The following ADAMTS16 variants were observed in gnomAD, a reference collection of about 807,000 sequenced individuals.
ADAMTS16 encodes A disintegrin and metalloproteinase with thrombospondin motifs 16.
In ADAMTS16, 94 loss-of-function variants were observed where a neutral mutation model predicts 145.8. The observed-to-expected ratio is 0.64, with a 90% confidence interval of 0.55 to 0.77. The LOEUF is 0.77. Among genes scored for constraint, ADAMTS16 ranks in the 30% least tolerant of loss-of-function variants. The pLI is 0.00. For synonymous variants in ADAMTS16, 659 were observed against 604.3 expected, an observed-to-expected ratio of 1.09 and a Z score of -1.33; for missense variants, 1,585 against 1,591.5, an observed-to-expected ratio of 1.00 and a Z score of 0.07.
At chr5:5,241,235 G>T (rs960854463) in intron 16 of ADAMTS16, among the ~76,000 whole-genome samples, 10 of 152,142 alleles carry the variant, frequency 6.6e-5, no homozygotes, top group Admixed American at 2.0e-4. Context: ...TATGTCAACA[G>T]GTTATGGTGA....
intron 18 of ADAMTS16, among the ~76,000 whole-genome samples, chr5:5,270,736 C>T (rs1738436736): frequency 6.6e-6 from 1 of 152,166 alleles, no homozygotes; most frequent in Non-Finnish European, 1.5e-5. Context: ...AAATATATTT[C>T]TATTATGTCC....
chr5:5,314,356 C>G (rs914388912), intron 21 of ADAMTS16, among the ~76,000 whole-genome samples: 8 of 152,178 alleles, frequency 5.3e-5, no homozygotes, highest in African/African-American at 1.7e-4. Flanking sequence ...GAGATGAGCT[C>G]TGCCCCGCAG....
chr5:5,226,504 A>T (rs1168054089), intron 11 of ADAMTS16, among the ~76,000 whole-genome samples: 1 of 152,134 alleles, frequency 6.6e-6, no homozygotes, highest in African/African-American at 2.4e-5. Flanking sequence ...TTTCAGATGA[A>T]ATTTGGGTAG....
intron 21 of ADAMTS16, among the ~76,000 whole-genome samples, chr5:5,312,607 C>A (rs1740504846): frequency 6.6e-6 from 1 of 152,078 alleles, no homozygotes; most frequent in African/African-American, 2.4e-5. Context: ...TCCACCACTC[C>A]CAGCTAATTT....
chr5:5,289,975 T>A (rs951307358), intron 18 of ADAMTS16, among the ~76,000 whole-genome samples: 2 of 152,218 alleles, frequency 1.3e-5, no homozygotes, highest in Non-Finnish European at 2.9e-5. Context: ...AGCCAAGAAT[T>A]TCCAAGCAGT....
At chr5:5,281,330 G>A (rs1738898020) in intron 18 of ADAMTS16, among the ~76,000 whole-genome samples, 1 of 152,140 alleles carries the variant, frequency 6.6e-6, no homozygotes, top group Non-Finnish European at 1.5e-5. Flanking sequence ...TAAAACTTTT[G>A]TATTAAAACA....
intron 3 of ADAMTS16, among the ~76,000 whole-genome samples, chr5:5,149,759 G>A (rs888857021): frequency 3.3e-5 from 5 of 152,152 alleles, no homozygotes; most frequent in Non-Finnish European, 4.4e-5. Context: ...AGGTAGTATA[G>A]GTTTGCCTAA....
chr5:5,224,568 T>C (rs60624289), intron 11 of ADAMTS16, among the ~76,000 whole-genome samples: 29,341 of 152,104 alleles, frequency 0.19, 3,302 homozygotes, highest in East Asian at 0.5. Context: ...GGATTACAGG[T>C]GTGAGCCACC....
intron 8 of ADAMTS16, among the ~76,000 whole-genome samples, chr5:5,194,646 A>G (rs1735751277): frequency 6.6e-6 from 1 of 152,216 alleles, no homozygotes; most frequent in Non-Finnish European, 1.5e-5. Context: ...AACTCCGTGT[A>G]TCTTAGTTGA....
At chr5:5,149,808 G>T (rs1734400776) in intron 3 of ADAMTS16, among the ~76,000 whole-genome samples, 1 of 152,156 alleles carries the variant, frequency 6.6e-6, no homozygotes, top group Admixed American at 6.5e-5. Context: ...ACACTATGTG[G>T]CCTTTGTGAC....
intron 7 of ADAMTS16, 84 bp downstream of exon 7, chr5:5,190,214 G>C (rs1735625618): frequency 7.0e-7 from 1 of 1,427,624 alleles, no homozygotes; most frequent in Non-Finnish European, 9.3e-7. Flanking sequence ...TTTTGCCCTT[G>C]TTCCTTGTTA....
intron 18 of ADAMTS16, among the ~76,000 whole-genome samples, chr5:5,276,628 G>A (rs988202416): frequency 3.3e-5 from 5 of 152,162 alleles, no homozygotes; most frequent in East Asian, 1.9e-4. Flanking sequence ...CAGGCGCTAC[G>A]CAGCAGACAC....
At chr5:5,166,477 T>C (rs1255284809) in intron 3 of ADAMTS16, among the ~76,000 whole-genome samples, 1 of 152,140 alleles carries the variant, frequency 6.6e-6, no homozygotes, top group Non-Finnish European at 1.5e-5. Flanking sequence ...CCAGAGAGCC[T>C]GGGGGAAACC....
At chr5:5,192,345 C>T (rs1376830297) in intron 8 of ADAMTS16, among the ~76,000 whole-genome samples, 1 of 152,176 alleles carries the variant, frequency 6.6e-6, no homozygotes, top group African/African-American at 2.4e-5. Context: ...GTCTGGTGGG[C>T]TGATCTCATT....
intron 22 of ADAMTS16, among the ~76,000 whole-genome samples, 154 bp from the exon 23 acceptor site, chr5:5,318,869 T>C (rs768844731): frequency 2.4e-4 from 36 of 152,040 alleles, no homozygotes; most frequent in Non-Finnish European, 4.6e-4. Flanking sequence ...AAATAATAGG[T>C]TCCACGGGAC....
Position 5,320,047 on chromosome 5 carries a change from A to G in ADAMTS16, c.*909A>G. Reference sequence around the variant, plus strand: ...ACAGCCTATGTGACAATAACCTTAGAGTCCTGTGTTTTGTTTTTGTGTGTT... The same window carrying G: ...ACAGCCTATGTGACAATAACCTTAGGGTCCTGTGTTTTGTTTTTGTGTGTT... On this transcript the variant is annotated 3_prime_UTR_variant, in exon 23 of 23. Transcript: ENST00000274181. This position sits in a 1 kb window ranked among gnomAD's most constrained non-coding sequence, Gnocchi z 5.1. The G allele has an allele frequency of 2.6e-6, 1 of 383,050 alleles. No individual in the cohort carries two copies. The highest frequency in any genetic ancestry group is 5.0e-6 in the Non-Finnish European group (1 of 201,342). 23.7% of individuals were successfully genotyped at this position (383,050 alleles called of 1,614,324 possible). A position where few individuals can be genotyped will look rare whatever the true frequency, so the allele number is the denominator to read the frequency against.
chr5:5,245,107 G>A (rs1156852297), intron 17 of ADAMTS16, among the ~76,000 whole-genome samples: 7 of 152,206 alleles, frequency 4.6e-5, no homozygotes, highest in Middle Eastern at 6.8e-3. Flanking sequence ...TAAACTTTAG[G>A]AGTTTCAGGA....
intron 12 of ADAMTS16, among the ~76,000 whole-genome samples, chr5:5,233,773 C>A (rs537340449): frequency 6.6e-6 from 1 of 152,080 alleles, no homozygotes; most frequent in Non-Finnish European, 1.5e-5. Flanking sequence ...TCCATGTCTT[C>A]GCTATTGTGA....
chr5:5,286,923 C>T (rs1357743868), intron 18 of ADAMTS16, among the ~76,000 whole-genome samples: 1 of 147,804 alleles, frequency 6.8e-6, no homozygotes, highest in East Asian at 2.0e-4. Flanking sequence ...ACATATAGAA[C>T]CTACTTGATG....
Sources: allele counts gnomAD v4.1 joint callset (sites outside exome capture counted in the v4.1 genomes callset), GRCh38; gene constraint gnomAD v4.1.1; non-coding constraint Gnocchi (gnomAD v3.1); transcripts MANE v1.5; gene names NCBI Gene and HGNC (gene_info 2026-07-23, HGNC 2026-07-21).